The following DLGAP2 variants were observed in gnomAD, a reference collection of about 807,000 sequenced individuals.
The protein encoded by DLGAP2 is DLG associated protein 2, also known as disks large-associated protein 2.
A neutral mutation model predicts 100.3 loss-of-function variants in DLGAP2; 26 were observed. That is an observed-to-expected ratio of 0.26 (90% confidence interval 0.19 to 0.36). DLGAP2 has a LOEUF of 0.36. Ranked by LOEUF, DLGAP2 falls within the 10% of genes least tolerant of loss-of-function variation. The pLI is 1.00. For synonymous variants in DLGAP2, 886 were observed against 630.1 expected (o/e 1.41, Z -6.08); for missense variants, 1,858 against 1,453.2 (o/e 1.28, Z -4.53).
chr8:1,609,410 C>T (rs989481999), intron 6 of DLGAP2, among the ~76,000 whole-genome samples: 4 of 137,006 alleles, frequency 2.9e-5, no homozygotes, highest in African/African-American at 5.2e-5. Context: ...TGGAAAGGAA[C>T]GACCGGTACC....
chr8:1,641,287 G>C (rs912453502), intron 8 of DLGAP2, among the ~76,000 whole-genome samples: 1 of 152,114 alleles, frequency 6.6e-6, no homozygotes, highest in Non-Finnish European at 1.5e-5. Context: ...GAATTGCTCG[G>C]GTGAGAACAA....
intron 1 of DLGAP2, among the ~76,000 whole-genome samples, chr8:892,537 G>C (rs1006123335): frequency 6.6e-6 from 1 of 151,900 alleles, no homozygotes. Flanking sequence ...GGTGCCAGGG[G>C]CTGGGGAGGG....
intron 3 of DLGAP2, among the ~76,000 whole-genome samples, chr8:1,384,375 G>A (rs1490004605): frequency 1.2e-4 from 17 of 140,596 alleles, no homozygotes; most frequent in Middle Eastern, 3.9e-3. Flanking sequence ...CAGTTACCCC[G>A]GCCTGTGCCC....
chr8:1,350,588 C>G (rs375667300), intron 3 of DLGAP2, among the ~76,000 whole-genome samples: 21 of 17,878 alleles, frequency 1.2e-3, no homozygotes, highest in East Asian at 8.8e-3. Flanking sequence ...CGGGTCCTGA[C>G]TGTGCGTGGA....
rs75385558 is a variant in DLGAP2 at position 1,334,062 on chromosome 8, C to T, written c.106+75179C>T. Reference sequence around the variant, plus strand: ...ACAGAGTCCAGATTTCACTGAGAGACCCCTGTGCCCCTGAGAGCCCCAAAC... The same window carrying T: ...ACAGAGTCCAGATTTCACTGAGAGATCCCTGTGCCCCTGAGAGCCCCAAAC... On this transcript the variant is annotated intron_variant, in intron 3 of 14. Transcript: ENST00000637795. Among the ~76,000 whole-genome samples the T allele has an allele frequency of 1.8e-3, 275 of 152,374 alleles. 2 individuals are homozygous for T. The highest frequency in any genetic ancestry group is 6.8e-3 in the Middle Eastern group (2 of 294).
At chr8:1,325,628 C>T (rs550972481) in intron 3 of DLGAP2, among the ~76,000 whole-genome samples, 3 of 152,210 alleles carry the variant, frequency 2.0e-5, no homozygotes, top group Admixed American at 6.5e-5. Context: ...CAAGCATACC[C>T]TACAGGGCCT....
intron 4 of DLGAP2, among the ~76,000 whole-genome samples, chr8:1,515,246 G>A (rs1049037864): frequency 1.3e-5 from 2 of 152,160 alleles, no homozygotes; most frequent in African/African-American, 4.8e-5. Context: ...CAGGGCCAAG[G>A]TGTCTTTCTT....
intron 2 of DLGAP2, among the ~76,000 whole-genome samples, chr8:1,057,889 C>G (rs1802930806): frequency 6.6e-6 from 1 of 152,156 alleles, no homozygotes; most frequent in African/African-American, 2.4e-5. Flanking sequence ...ATTTCTGGCT[C>G]TTATTTTCCA....
In DLGAP2 at chr8:1,651,922, G is replaced by C. The variant is rs558011068; in HGVS notation, c.1811-16407G>C. 4.6e-5 allele frequency among the ~76,000 whole-genome samples: 7 copies of C among 152,318 alleles called. No individual in the cohort carries two copies. The East Asian group carries it at 1.4e-3, about 30-fold the overall frequency. The stretch of plus-strand genomic sequence containing the variant: ...CATTCCTCAGCGCCAGCCAGCCTTT[G>C]CATGAGGCAGCACTCAGAGCCTCGT... On this transcript the variant is annotated intron_variant, in intron 8 of 14. Transcript: ENST00000637795.
At chr8:1,094,982 G>A (rs1482105138) in intron 2 of DLGAP2, among the ~76,000 whole-genome samples, 1 of 152,180 alleles carries the variant, frequency 6.6e-6, no homozygotes, top group Non-Finnish European at 1.5e-5. Flanking sequence ...GCACTTCCAG[G>A]TCTCAGCAGC....
chr8:971,957 T>A (rs953481347), intron 2 of DLGAP2, among the ~76,000 whole-genome samples: 16 of 152,156 alleles, frequency 1.1e-4, no homozygotes, highest in African/African-American at 3.6e-4. Context: ...GTGGCTCTTT[T>A]CCTTCAACAC....
Position 1,701,587 on chromosome 8 carries a change from G to A in DLGAP2, c.*181G>A, listed in dbSNP as rs1799573396. The A allele has an allele frequency of 1.1e-5, 7 of 650,328 alleles. No homozygotes were observed. The highest frequency in any genetic ancestry group is 1.8e-5 in the Non-Finnish European group (7 of 389,572). 40.3% of individuals were successfully genotyped at this position (650,328 alleles called of 1,614,324 possible). Reference sequence around the variant, plus strand: ...CCTCAGAGTCCACGGAGCTCGCGGCGAGGACGACTTCTGCTTTTGTTGTTG... The same window carrying A: ...CCTCAGAGTCCACGGAGCTCGCGGCAAGGACGACTTCTGCTTTTGTTGTTG... On this transcript the variant is annotated 3_prime_UTR_variant, in exon 15 of 15. Coordinates refer to ENST00000637795, the MANE Select transcript of DLGAP2 (RefSeq NM_001346810.2).
intron 4 of DLGAP2, among the ~76,000 whole-genome samples, chr8:1,547,506 C>T (rs1801582214): frequency 6.6e-6 from 1 of 151,696 alleles, no homozygotes; most frequent in Admixed American, 6.6e-5. Context: ...ATGGAGGAGG[C>T]AGATGTGGGG....
chr8:1,098,242 C>A (rs2129043083), intron 2 of DLGAP2, among the ~76,000 whole-genome samples: 1 of 152,300 alleles, frequency 6.6e-6, no homozygotes, highest in Admixed American at 6.5e-5. Flanking sequence ...CAGTTTGTTT[C>A]CAAAAATATG....
rs537648755 is a variant in DLGAP2, at chr8:1,155,651, A to ACTCCGAGACCCCCAGGCCC, written c.74-103192_74-103174dup. Among the ~76,000 whole-genome samples, 968 of 151,044 alleles carry ACTCCGAGACCCCCAGGCCC rather than the reference A, an allele frequency of 6.4e-3. 14 individuals are homozygous for ACTCCGAGACCCCCAGGCCC. The highest frequency in any genetic ancestry group is 0.022 in the African/African-American group (902 of 41,010). Reference sequence around the variant, plus strand: ...TTCGCGATGGGCGCGGTCTTTCCGGACTCCGAGACCCCCAGGCCCCTCCGA... The same window carrying ACTCCGAGACCCCCAGGCCC: ...TTCGCGATGGGCGCGGTCTTTCCGGACTCCGAGACCCCCAGGCCCCTCCGAGACCCCCAGGCCCCTCCGA... On this transcript the variant is annotated intron_variant, in intron 2 of 14. Transcript: ENST00000637795.
chr8:1,521,207 C>CT (rs544607128), intron 4 of DLGAP2, among the ~76,000 whole-genome samples: 1 of 81,616 alleles, frequency 1.2e-5, no homozygotes, highest in Non-Finnish European at 2.6e-5. Context: ...TTGGAATACT[C>CT]GGGGGCAGGT....
intron 1 of DLGAP2, among the ~76,000 whole-genome samples, chr8:831,207 C>CTTTTTTT (rs59545503): frequency 7.8e-6 from 1 of 127,666 alleles, no homozygotes. Flanking sequence ...CCAGCAGTCA[C>CTTTTTTT]TTTTTTTTTT....
In DLGAP2 at chr8:1,367,809, A is replaced by C. The variant is rs1241728703; in HGVS notation, c.106+108926A>C. Among the ~76,000 whole-genome samples, 3 of 152,254 alleles carry C rather than the reference A, an allele frequency of 2.0e-5. No homozygotes were observed. The East Asian group carries it at 5.8e-4, about 29-fold the overall frequency. On this transcript the variant is annotated intron_variant, in intron 3 of 14. Transcript: ENST00000637795. Reference sequence around the variant, plus strand: ...TACGGTGTATTTGGATTAAATATCAAGATTGTATCACAAATAGCAAGTTAT... The same window carrying C: ...TACGGTGTATTTGGATTAAATATCACGATTGTATCACAAATAGCAAGTTAT...
At chr8:1,071,173 G>A (rs987521753) in intron 2 of DLGAP2, among the ~76,000 whole-genome samples, 3 of 152,196 alleles carry the variant, frequency 2.0e-5, no homozygotes, top group Non-Finnish European at 2.9e-5. Context: ...GGGAGGAGAG[G>A]ATGGTGAGTG....
Sources: allele counts gnomAD v4.1 joint callset (sites outside exome capture counted in the v4.1 genomes callset), GRCh38; gene constraint gnomAD v4.1.1; transcripts MANE v1.5; gene names NCBI Gene and HGNC (gene_info 2026-07-23, HGNC 2026-07-21).